Variants in PDE10A observed in about 807,000 individuals in gnomAD.
PDE10A encodes phosphodiesterase 10A.
In PDE10A, 39 loss-of-function variants were observed where a neutral mutation model predicts 97.7. The ratio of observed to expected loss-of-function variants is 0.40; its 90% confidence interval spans 0.31 to 0.52. The LOEUF (loss-of-function observed/expected upper bound fraction) is 0.52. Among genes scored for constraint, PDE10A ranks in the 20% least tolerant of loss-of-function variants. PDE10A has a pLI of 0.56. For synonymous variants in PDE10A, 371 were observed against 376.8 expected, an observed-to-expected ratio of 0.98 and a Z score of 0.18; for missense variants, 731 against 1,047.8, an observed-to-expected ratio of 0.70 and a Z score of 4.17.
At chr6:165,547,802 C>T (rs1783811665) in intron 1 of PDE10A, among the ~76,000 whole-genome samples, 2 of 152,078 alleles carry the variant, frequency 1.3e-5, no homozygotes, top group Admixed American at 1.3e-4. Flanking sequence ...AACAATGATA[C>T]ATTTTTATAT....
rs117159034 is a variant in PDE10A at position 165,743,371 on chromosome 6, T to C, written c.-614-199803A>G. On this transcript the variant is annotated intron_variant, in intron 1 of 19. Transcript: ENST00000366882. ...TTATCATAATTCAGAAATTAACATTTGCACAGTACTAATAACTGAACTAGT... is the reference window on the plus strand; with the variant it reads ...TTATCATAATTCAGAAATTAACATTCGCACAGTACTAATAACTGAACTAGT... 4.2e-3 allele frequency among the ~76,000 whole-genome samples: 640 copies of C among 152,354 alleles called. 1 individual carries two copies. Among genetic ancestry groups the C allele is most frequent in the Non-Finnish European group, 7.5e-3 (510 of 68,040 alleles).
intron 1 of PDE10A, among the ~76,000 whole-genome samples, chr6:165,668,717 A>C (rs969270517): frequency 1.3e-5 from 2 of 151,070 alleles, no homozygotes; most frequent in African/African-American, 4.8e-5. Flanking sequence ...GAAAAGAAAG[A>C]AAGAGAGAGA....
intron 1 of PDE10A, among the ~76,000 whole-genome samples, chr6:165,597,806 T>C (rs759768849): frequency 6.6e-6 from 1 of 152,238 alleles, no homozygotes; most frequent in African/African-American, 2.4e-5. Flanking sequence ...TTTTGTTGTG[T>C]CCTTCATAGG....
At chr6:165,422,681 A>G (rs1473498218) in intron 10 of PDE10A, among the ~76,000 whole-genome samples, 2 of 152,230 alleles carry the variant, frequency 1.3e-5, no homozygotes, top group Non-Finnish European at 2.9e-5. Flanking sequence ...ACTATCTTTG[A>G]ACTATTTTAG....
chr6:165,558,982 A>G (rs1051718043), intron 1 of PDE10A, among the ~76,000 whole-genome samples: 7 of 148,932 alleles, frequency 4.7e-5, no homozygotes, highest in Non-Finnish European at 8.8e-5. Context: ...CGGAAGCACT[A>G]TAACAACAAT....
chr6:165,789,463 G>A (rs1035248795), intron 1 of PDE10A, among the ~76,000 whole-genome samples: 4 of 152,062 alleles, frequency 2.6e-5, no homozygotes, highest in African/African-American at 2.4e-5. Flanking sequence ...TTTGTGAATC[G>A]TTCCTGGGGG....
At chr6:165,346,732 C>T (rs111803976) in intron 18 of PDE10A, among the ~76,000 whole-genome samples, 3 of 152,308 alleles carry the variant, frequency 2.0e-5, no homozygotes, top group African/African-American at 7.2e-5. Context: ...TCCCACGCCA[C>T]ACACTCTGTA....
chr6:165,868,051 A>C (rs1781106689), intron 1 of PDE10A, among the ~76,000 whole-genome samples: 1 of 152,084 alleles, frequency 6.6e-6, no homozygotes, highest in African/African-American at 2.4e-5. Context: ...ATTTACAGCA[A>C]TAAATGCTTA....
intron 1 of PDE10A, among the ~76,000 whole-genome samples, chr6:165,570,057 C>G (rs1445908912): frequency 6.6e-6 from 1 of 152,036 alleles, no homozygotes; most frequent in Non-Finnish European, 1.5e-5. Flanking sequence ...AAGTCCTAAC[C>G]CCCAGTACCT....
At chr6:165,947,624 A>G (rs1036730332) in intron 1 of PDE10A, among the ~76,000 whole-genome samples, 1 of 152,224 alleles carries the variant, frequency 6.6e-6, no homozygotes, top group African/African-American at 2.4e-5. Context: ...TTTAGTAGTC[A>G]TCTCAAGTTG....
At chr6:165,763,087 T>C (rs1000996754) in intron 1 of PDE10A, among the ~76,000 whole-genome samples, 3 of 152,230 alleles carry the variant, frequency 2.0e-5, no homozygotes, top group Non-Finnish European at 4.4e-5. Flanking sequence ...GTAGGACTTA[T>C]AAGACTGCAG....
At chr6:165,541,375 G>A (rs1783428128) in intron 2 of PDE10A, among the ~76,000 whole-genome samples, 1 of 151,974 alleles carries the variant, frequency 6.6e-6, no homozygotes, top group South Asian at 2.1e-4. Context: ...ACACACTGCT[G>A]GTCTTAACAA....
intron 1 of PDE10A, among the ~76,000 whole-genome samples, chr6:165,699,072 T>G (rs1488566713): frequency 2.0e-5 from 3 of 152,170 alleles, no homozygotes; most frequent in African/African-American, 4.8e-5. Flanking sequence ...AAAAACATGG[T>G]CTAACTATGT....
chr6:165,540,159 A>G (rs893440530), intron 2 of PDE10A, among the ~76,000 whole-genome samples: 2 of 152,170 alleles, frequency 1.3e-5, no homozygotes, highest in Non-Finnish European at 2.9e-5. Flanking sequence ...CATGCCTTCA[A>G]ATTGATCTCA....
chr6:165,845,243 A>G (rs142896475), intron 1 of PDE10A, among the ~76,000 whole-genome samples: 3,338 of 152,326 alleles, frequency 0.022, 56 homozygotes, highest in South Asian at 0.083. Flanking sequence ...AACTCCAGAC[A>G]TGAAAGTGGG....
chr6:165,442,876 AG>A (rs1345795417), intron 5 of PDE10A, among the ~76,000 whole-genome samples: 7 of 152,140 alleles, frequency 4.6e-5, no homozygotes, highest in African/African-American at 1.7e-4. Context: ...GGGGAGGCTA[AG>A]GCGGGTGGAT....
chr6:165,788,221 C>A (rs1315727352), intron 1 of PDE10A, among the ~76,000 whole-genome samples: 4 of 151,890 alleles, frequency 2.6e-5, no homozygotes. Flanking sequence ...ATAACTCTTT[C>A]AAGAGTATAC....
intron 13 of PDE10A, among the ~76,000 whole-genome samples, chr6:165,406,646 G>C (rs1449326373): frequency 6.6e-6 from 1 of 152,116 alleles, no homozygotes; most frequent in African/African-American, 2.4e-5. Context: ...GACTGGGTTA[G>C]AGGATGCTCG....
At chr6:165,513,865 C>T (rs1286207057) in intron 2 of PDE10A, among the ~76,000 whole-genome samples, 1 of 152,036 alleles carries the variant, frequency 6.6e-6, no homozygotes, top group African/African-American at 2.4e-5. Flanking sequence ...TGAGACCTTG[C>T]TAATTTATTC....
Sources: allele counts gnomAD v4.1 joint callset (sites outside exome capture counted in the v4.1 genomes callset), GRCh38; gene constraint gnomAD v4.1.1; transcripts MANE v1.5; gene names NCBI Gene and HGNC (gene_info 2026-07-23, HGNC 2026-07-21).